Variants in DAB2IP observed in about 807,000 individuals in gnomAD.
DAB2IP encodes disabled homolog 2-interacting protein.
In DAB2IP, 28 loss-of-function variants were observed where a neutral mutation model predicts 107.2. The observed-to-expected ratio is 0.26, with a 90% confidence interval of 0.19 to 0.36. The LOEUF is 0.36. DAB2IP is among the 10% of genes least tolerant of loss of function. The probability of loss-of-function intolerance (pLI) is 1.00; values close to 1 mark genes in which losing one functional copy is unlikely to be tolerated. For missense variants in DAB2IP, 1,400 were observed against 1,644.7 expected, an observed-to-expected ratio of 0.85 and a Z score of 2.57; for synonymous variants, 755 against 706.4, an observed-to-expected ratio of 1.07 and a Z score of -1.09.
chr9:121,760,213 C>T lies in DAB2IP; in HGVS notation c.944C>T (p.Thr315Met), dbSNP rs758180015. Residue 315 changes from threonine to methionine, a missense_variant, in exon 6 of 16, where the codon ACG becomes ATG. By Grantham distance (81) the Thr-to-Met change is moderately conservative (BLOSUM62 -1). Transcript: ENST00000408936. This position sits in a 1 kb window ranked among gnomAD's most constrained non-coding sequence, Gnocchi z 5.9. ...GTGGAGAAGTGGTACCCGGTGGTGA[C>T]GCCCAACCCCAAGGGCGGCAAGGGC... is the stretch of plus-strand genomic sequence containing the variant. 21 of 1,613,570 alleles carry T rather than the reference C, an allele frequency of 1.3e-5. No individual in the cohort carries two copies. The highest frequency in any genetic ancestry group is 5.3e-5 in the African/African-American group (4 of 74,912).
At position 121,606,543 on chromosome 9, in the gene DAB2IP, C is replaced by A. The variant is rs73661795; in HGVS notation, c.40+39315C>A. Reference sequence around the variant, plus strand: ...ATGGCTGGAAGGATGCAGCTCAGGACTTCCCTGACTCCCCTCACTCCAGGT... The same window carrying A: ...ATGGCTGGAAGGATGCAGCTCAGGAATTCCCTGACTCCCCTCACTCCAGGT... On this transcript the variant is annotated intron_variant, in intron 1 of 16. Coordinates refer to the DAB2IP transcript ENST00000259371. Among the ~76,000 whole-genome samples, 517 of 152,314 alleles carry A rather than the reference C, an allele frequency of 3.4e-3. 1 individual carries two copies. The highest frequency in any genetic ancestry group is 0.012 in the African/African-American group (497 of 41,580).
chr9:121,642,885 T>C (rs1832410958), intron 1 of DAB2IP, among the ~76,000 whole-genome samples: 1 of 152,042 alleles, frequency 6.6e-6, no homozygotes, highest in South Asian at 2.1e-4. Flanking sequence ...GCACTTGAGA[T>C]AAGGGGTCCA....
intron 1 of DAB2IP, among the ~76,000 whole-genome samples, chr9:121,639,907 C>T (rs1487565578): frequency 6.6e-6 from 1 of 152,158 alleles, no homozygotes; most frequent in Non-Finnish European, 1.5e-5. Context: ...CTGGGCTGTT[C>T]CCCAGACTGG....
chr9:121,640,063 C>T (rs2777308), intron 1 of DAB2IP, among the ~76,000 whole-genome samples: 1 of 152,108 alleles, frequency 6.6e-6, no homozygotes, highest in East Asian at 1.9e-4. Context: ...GGCATGGGGT[C>T]GGCTGGCCCA....
chr9:121,679,676 G>T (rs915483529), intron 2 of DAB2IP, among the ~76,000 whole-genome samples: 37 of 152,044 alleles, frequency 2.4e-4, no homozygotes, highest in African/African-American at 8.5e-4. Flanking sequence ...AGGAAAGAAG[G>T]TTCTGGGTGG....
At chr9:121,689,598 GAA>G (rs1445387261) in intron 2 of DAB2IP, among the ~76,000 whole-genome samples, 1 of 151,766 alleles carries the variant, frequency 6.6e-6, no homozygotes, top group Non-Finnish European at 1.5e-5. Flanking sequence ...TCCAGGGAGA[GAA>G]ACAAGATAGC....
exon 2 of DAB2IP, chr9:121,678,742 C>T (rs1470093757): frequency 1.3e-6 from 2 of 1,599,540 alleles, no homozygotes; most frequent in Non-Finnish European, 1.7e-6. Flanking sequence ...AGAAGAGCCC[C>T]AGCATGGAGC....
Position 121,784,845 on chromosome 9 carries a change from G to A in DAB2IP, c.*2347G>A, listed in dbSNP as rs575752792. On this transcript the variant is annotated 3_prime_UTR_variant, in exon 16 of 16. Transcript: ENST00000408936. ...GCTGCTGTCTGAGTAGTGGCCACTGGGGTGCCTTCACTGGGCCAGTCAACG... is the reference window on the plus strand; with the variant it reads ...GCTGCTGTCTGAGTAGTGGCCACTGAGGTGCCTTCACTGGGCCAGTCAACG... 163 of 152,924 alleles carry A rather than the reference G, an allele frequency of 1.1e-3. 1 individual carries two copies. Among genetic ancestry groups the A allele is most frequent in the Non-Finnish European group, 1.9e-3 (131 of 68,350 alleles). The allele number at this position is 152,924 out of a possible 1,614,324, so 9.5% of individuals were successfully genotyped here.
At chr9:121,780,530 C>T (rs1401929051) in intron 14 of DAB2IP, among the ~76,000 whole-genome samples, 1 of 152,164 alleles carries the variant, frequency 6.6e-6, no homozygotes, top group Non-Finnish European at 1.5e-5. Flanking sequence ...GGAGAGAAGC[C>T]TTGGGAGTGG....
intron 3 of DAB2IP, among the ~76,000 whole-genome samples, chr9:121,714,506 G>A (rs1009891216): frequency 8.3e-4 from 126 of 152,320 alleles, no homozygotes; most frequent in African/African-American, 2.7e-3. Context: ...GCGGGGCACC[G>A]ATTCAAATAT....
intron 1 of DAB2IP, among the ~76,000 whole-genome samples, chr9:121,573,376 A>AT (rs955095532): frequency 1.4e-5 from 2 of 148,116 alleles, no homozygotes; most frequent in Admixed American, 6.7e-5. Context: ...CGTGCCCAGC[A>AT]TTTTTTTGTT....
chr9:121,709,520 G>C (rs571021206), intron 3 of DAB2IP, among the ~76,000 whole-genome samples: 1 of 152,314 alleles, frequency 6.6e-6, no homozygotes, highest in South Asian at 2.1e-4. Context: ...AGAAAATTGA[G>C]TCACAGAGAG....
At chr9:121,783,487 C>T (rs543578739) in exon 16 of DAB2IP, 1 of 1,614,120 alleles carries the variant, frequency 6.2e-7, no homozygotes, top group Middle Eastern at 1.7e-4. Context: ...ATTCTAACGC[C>T]TGCAGGCCCT....
In DAB2IP at chr9:121,633,016, A is replaced by T. The variant is rs981291247; in HGVS notation, c.41-45662A>T. Among the ~76,000 whole-genome samples the T allele has an allele frequency of 9.2e-5, 14 of 152,162 alleles. No individual in the cohort carries two copies. The highest frequency in any genetic ancestry group is 9.2e-4 in the Admixed American group (14 of 15,274). On this transcript the variant is annotated intron_variant, in intron 1 of 16. Coordinates refer to the DAB2IP transcript ENST00000259371. The surrounding 1 kb of genome is among the most constrained non-coding windows in gnomAD (Gnocchi z 5.1). ...CCTGCTCAGCTTCCCTCTCTCCCAG[A>T]CTGAGGGGTTCCAGCTGCTCCGGGC...
At chr9:121,725,880 A>G (rs1287396473) in intron 3 of DAB2IP, among the ~76,000 whole-genome samples, 26 of 152,192 alleles carry the variant, frequency 1.7e-4, no homozygotes, top group Admixed American at 1.7e-3. Flanking sequence ...AAGGATTTTA[A>G]GAAGAGATGG....
chr9:121,773,532 T>G, intron 12 of DAB2IP, 37 bp downstream of exon 12: 1 of 1,433,254 alleles, frequency 7.0e-7, no homozygotes, highest in Non-Finnish European at 9.2e-7. Context: ...GCTGGGCACT[T>G]GGGCCCAGCT....
intron 1 of DAB2IP, among the ~76,000 whole-genome samples, chr9:121,606,762 GTTCT>G (rs1003449426): frequency 6.6e-6 from 1 of 151,510 alleles, no homozygotes; most frequent in Non-Finnish European, 1.5e-5. Flanking sequence ...GAATGGCAGC[GTTCT>G]TTGTTTTTTG....
At chr9:121,568,296 C>T (rs1371742009) in intron 1 of DAB2IP, among the ~76,000 whole-genome samples, 1 of 152,204 alleles carries the variant, frequency 6.6e-6, no homozygotes, top group Non-Finnish European at 1.5e-5. Flanking sequence ...ACGTTTGGAG[C>T]TGCAGCCCTC....
chr9:121,612,815 G>A lies in DAB2IP; in HGVS notation c.40+45587G>A, dbSNP rs149493760. ...GTTTCCCAGAGGAAGAAAGGCTAGAGCCAGGCCCAGGAGGACAACTGCTCA... is the reference window on the plus strand; with the variant it reads ...GTTTCCCAGAGGAAGAAAGGCTAGAACCAGGCCCAGGAGGACAACTGCTCA... On this transcript the variant is annotated intron_variant, in intron 1 of 16. Coordinates refer to the DAB2IP transcript ENST00000259371. 1.9e-4 allele frequency among the ~76,000 whole-genome samples: 29 copies of A among 152,328 alleles called. 1 individual carries two copies. The East Asian group carries it at 5.2e-3, about 27-fold the overall frequency.
Sources: gnomAD v4.1 joint callset for allele counts (sites outside exome capture counted in the v4.1 genomes callset) on GRCh38, gnomAD v4.1.1 for gene constraint, Gnocchi (gnomAD v3.1) non-coding constraint, MANE v1.5 for transcripts, NCBI Gene and HGNC (gene_info 2026-07-23, HGNC 2026-07-21) for gene names.